The following SEC14L5 variants were observed in gnomAD, a reference collection of about 807,000 sequenced individuals.
The protein encoded by SEC14L5 is SEC14-like protein 5.
A neutral mutation model predicts 84.6 loss-of-function variants in SEC14L5; 96 were observed. The ratio of observed to expected loss-of-function variants is 1.13; its 90% confidence interval spans 0.96 to 1.34. The LOEUF (loss-of-function observed/expected upper bound fraction) is 1.34, where lower values mean the gene tolerates loss of function less well. SEC14L5 is among the 40% of genes most tolerant of loss of function. The pLI, the probability that SEC14L5 is intolerant of heterozygous loss-of-function variation, is 0.00. For missense variants in SEC14L5, 1,224 were observed against 942.5 expected, an observed-to-expected ratio of 1.30 and a Z score of -3.91; for synonymous variants, 546 against 383.4, an observed-to-expected ratio of 1.42 and a Z score of -4.95.
Position 5,016,816 on chromosome 16 carries a change from G to C in SEC14L5, c.*1846G>C, listed in dbSNP as rs563185348. 1.3e-5 allele frequency: 2 copies of C among 152,332 alleles called. No homozygotes were observed. The highest frequency in any genetic ancestry group is 2.4e-5 in the African/African-American group (1 of 41,572). The allele number at this position is 152,332 out of a possible 1,614,324, so 9.4% of individuals were successfully genotyped here. A position where few individuals can be genotyped will look rare whatever the true frequency, so the allele number is the denominator to read the frequency against. On this transcript the variant is annotated 3_prime_UTR_variant, in exon 16 of 16. Coordinates refer to ENST00000251170, the MANE Select transcript of SEC14L5 (RefSeq NM_014692.2). ...ATACATCCTTCTTCCTGCTGGGAGAGAGCCTTGCCCACCTTCCTGTTGGCT... is the reference window on the plus strand; with the variant it reads ...ATACATCCTTCTTCCTGCTGGGAGACAGCCTTGCCCACCTTCCTGTTGGCT...
At chr16:5,011,021 C>T (rs1455419472) in intron 14 of SEC14L5, 74 bp from the exon 15 acceptor site, 1 of 1,408,140 alleles carries the variant, frequency 7.1e-7, no homozygotes, top group Non-Finnish European at 9.6e-7. Context: ...TGATGAGAAG[C>T]CCATGAAGGC....
intron 9 of SEC14L5, 50 bp from the exon 10 acceptor site, chr16:5,000,805 G>A (rs1568140654): frequency 6.4e-7 from 1 of 1,568,338 alleles, no homozygotes; most frequent in South Asian, 1.2e-5. Flanking sequence ...AGGACTGTGT[G>A]GGGTAAAGCA....
rs1955742562 is a variant in SEC14L5 at position 5,007,345 on chromosome 16, C to A, written c.1438-7C>A. The A allele has an allele frequency of 1.2e-6, 2 of 1,613,362 alleles. No individual in the cohort carries two copies. Among genetic ancestry groups the A allele is most frequent in the Non-Finnish European group, 1.7e-6 (2 of 1,179,550 alleles). ...CTGACCTGCTGCCCTTTATCTCTGACCTGCAGTGTAATGTCCCCGAAGGAG... is the reference window on the plus strand; with the variant it reads ...CTGACCTGCTGCCCTTTATCTCTGAACTGCAGTGTAATGTCCCCGAAGGAG... On this transcript the variant is annotated splice_polypyrimidine_tract_variant and splice_region_variant and intron_variant, in intron 12 of 15. Coordinates refer to ENST00000251170, the MANE Select transcript of SEC14L5 (RefSeq NM_014692.2).
At chr16:4,964,964 C>T (rs1596611918) in intron 2 of SEC14L5, among the ~76,000 whole-genome samples, 1 of 152,106 alleles carries the variant, frequency 6.6e-6, no homozygotes, top group African/African-American at 2.4e-5. Flanking sequence ...CTCCTGGCCC[C>T]AGGTGATCTG....
chr16:4,990,056 T>A (rs1296597944), intron 4 of SEC14L5, among the ~76,000 whole-genome samples: 2 of 151,652 alleles, frequency 1.3e-5, no homozygotes, highest in Non-Finnish European at 2.9e-5. Flanking sequence ...ATAGATAACA[T>A]ATAATATACA....
intron 5 of SEC14L5, 92 bp from the exon 6 acceptor site, chr16:4,991,746 T>C (rs2142507386): frequency 3.7e-6 from 3 of 809,046 alleles, no homozygotes; most frequent in African/African-American, 1.8e-5. Context: ...GGCTGGGACC[T>C]GAGCCGGCTG....
At chr16:5,013,941 C>T (rs1955838685) in intron 15 of SEC14L5, among the ~76,000 whole-genome samples, 1 of 152,304 alleles carries the variant, frequency 6.6e-6, no homozygotes, top group South Asian at 2.1e-4. Flanking sequence ...GATCCCCCTG[C>T]CTCAGCCTTT....
intron 2 of SEC14L5, among the ~76,000 whole-genome samples, chr16:4,981,468 G>A (rs147055783): frequency 1.4e-3 from 206 of 152,188 alleles, no homozygotes; most frequent in African/African-American, 4.7e-3. Flanking sequence ...TTGGGAAACA[G>A]GAGGGAGACT....
intron 15 of SEC14L5, among the ~76,000 whole-genome samples, chr16:5,011,728 G>A (rs924639513): frequency 7.2e-5 from 11 of 152,130 alleles, no homozygotes; most frequent in African/African-American, 2.4e-4. Context: ...GTGTGACCTC[G>A]GGCAAATCAC....
intron 11 of SEC14L5, 46 bp downstream of exon 11, chr16:5,003,619 G>T: frequency 2.2e-5 from 6 of 277,684 alleles, no homozygotes; most frequent in South Asian, 7.0e-5. Context: ...GGGTGGGTGG[G>T]ATGGGAGGGG....
chr16:4,989,165 C>T (rs1195190515), intron 4 of SEC14L5, among the ~76,000 whole-genome samples: 1 of 152,216 alleles, frequency 6.6e-6, no homozygotes, highest in Non-Finnish European at 1.5e-5. Flanking sequence ...GGACCCAGCT[C>T]TGCCACTTTC....
At position 4,986,096 on chromosome 16, in the gene SEC14L5, T is replaced by C. The variant is rs112344114; in HGVS notation, c.64-1461T>C. On this transcript the variant is annotated intron_variant, in intron 2 of 15. Transcript: ENST00000251170. ...TATGACAGGGTTTGGGGGTTTCAAT[T>C]TCTCCACATCCTCACCAACACGTGC... is the stretch of plus-strand genomic sequence containing the variant. Among the ~76,000 whole-genome samples, 65 of 152,118 alleles carry C rather than the reference T, an allele frequency of 4.3e-4. 1 individual carries two copies. Among genetic ancestry groups the C allele is most frequent in the African/African-American group, 1.6e-3 (65 of 41,528 alleles).
chr16:4,978,911 T>C (rs1955384420), intron 2 of SEC14L5, among the ~76,000 whole-genome samples: 1 of 152,284 alleles, frequency 6.6e-6, no homozygotes. Flanking sequence ...AATTTTCTTA[T>C]TTTATGTAGA....
In SEC14L5 at chr16:4,978,792, C is replaced by T. The variant is rs193172572; in HGVS notation, c.64-8765C>T. ...TAATCTTTTGTATTTTTAGTAGAGA[C>T]GGGTTTCACCGCGTTAGCCAGGATG... is the stretch of plus-strand genomic sequence containing the variant. On this transcript the variant is annotated intron_variant, in intron 2 of 15. Coordinates refer to ENST00000251170, the MANE Select transcript of SEC14L5 (RefSeq NM_014692.2). 2.2e-3 allele frequency among the ~76,000 whole-genome samples: 337 copies of T among 152,166 alleles called. 1 individual carries two copies. The highest frequency in any genetic ancestry group is 7.6e-3 in the African/African-American group (316 of 41,528).
At chr16:4,982,637 C>T (rs1955438852) in intron 2 of SEC14L5, among the ~76,000 whole-genome samples, 1 of 152,200 alleles carries the variant, frequency 6.6e-6, no homozygotes, top group Non-Finnish European at 1.5e-5. Flanking sequence ...GGCATGGAAT[C>T]CAGCTTAACC....
intron 11 of SEC14L5, among the ~76,000 whole-genome samples, chr16:5,004,198 G>T (rs1440195158): frequency 6.6e-6 from 1 of 152,212 alleles, no homozygotes; most frequent in Non-Finnish European, 1.5e-5. Context: ...GACCCATGGA[G>T]GGTTCAGTAG....
intron 11 of SEC14L5, among the ~76,000 whole-genome samples, chr16:5,005,053 G>A (rs886785921): frequency 6.6e-6 from 1 of 152,234 alleles, no homozygotes; most frequent in Non-Finnish European, 1.5e-5. Flanking sequence ...GCTCACGCCT[G>A]TAATCCCAGT....
chr16:5,000,806 G>A (rs1461274111), intron 9 of SEC14L5, 49 bp from the exon 10 acceptor site: 2 of 1,568,530 alleles, frequency 1.3e-6, no homozygotes, highest in African/African-American at 2.7e-5. Flanking sequence ...GGACTGTGTG[G>A]GGTAAAGCAG....
rs1451961997 is a variant in SEC14L5, at chr16:4,988,138, T to G, written c.214-11T>G. The G allele has an allele frequency of 9.6e-6, 11 of 1,142,392 alleles. No homozygotes were observed. The highest frequency in any genetic ancestry group is 1.1e-5 in the Non-Finnish European group (9 of 806,730). The allele number at this position is 1,142,392 out of a possible 1,614,324, so 70.8% of individuals were successfully genotyped here. On this transcript the variant is annotated splice_polypyrimidine_tract_variant and intron_variant, in intron 3 of 15. Transcript: ENST00000251170. ...CCACCCACCTCCGCCTCCCCGCCCC[T>G]TCCCTTGCAGATCGCAGGTGTTGAG... is the stretch of plus-strand genomic sequence containing the variant.
Sources: allele counts gnomAD v4.1 joint callset (sites outside exome capture counted in the v4.1 genomes callset), GRCh38; gene constraint gnomAD v4.1.1; transcripts MANE v1.5; gene names NCBI Gene and HGNC (gene_info 2026-07-23, HGNC 2026-07-21).